The following WASHC2C variants were observed in gnomAD, a reference collection of about 807,000 sequenced individuals.
The protein encoded by WASHC2C is Vaccinia Penetration Factor.
In WASHC2C, 73 loss-of-function variants were observed where a neutral mutation model predicts 142.2. That is an observed-to-expected ratio of 0.51 (90% CI 0.43 to 0.62). The LOEUF (loss-of-function observed/expected upper bound fraction) is 0.62, where lower values mean the gene tolerates loss of function less well. Among genes scored for constraint, WASHC2C ranks in the 20% least tolerant of loss-of-function variants. WASHC2C has a pLI of 0.00. For synonymous variants in WASHC2C, 337 were observed against 565.5 expected, an observed-to-expected ratio of 0.60 and a Z score of 5.73; for missense variants, 969 against 1,531.7, an observed-to-expected ratio of 0.63 and a Z score of 6.13.
chr10:45,770,691 G>A (rs1402621143), intron 20 of WASHC2C, among the ~76,000 whole-genome samples: 1 of 152,190 alleles, frequency 6.6e-6, no homozygotes, highest in Admixed American at 6.5e-5. Context: ...TTAGGCCTCT[G>A]TAACTTGACA....
At position 45,786,654 on chromosome 10, in the gene WASHC2C, A is replaced by C; in HGVS notation, c.2854A>C (p.Thr952Pro). The part of the protein sequence containing the change: ...LAPFKTKEPS[T>P]RIGKIQANLA... Reference sequence around the variant, plus strand: ...TCCATTTAAAACCAAAGAACCATCCACTCGGATCGGGAAGATACAAGTAAT... The same window carrying C: ...TCCATTTAAAACCAAAGAACCATCCCCTCGGATCGGGAAGATACAAGTAAT... The change falls in exon 27 of 31, where the codon ACT becomes CCT. Residue 952 changes from threonine (T) to proline (P), a missense_variant. Physicochemically the swap from Thr to Pro is conservative, Grantham distance 38. Transcript: ENST00000623400. 6.2e-7 allele frequency: 1 copy of C among 1,611,784 alleles called. No homozygotes were observed. Among genetic ancestry groups the C allele is most frequent in the Non-Finnish European group, 8.5e-7 (1 of 1,179,732 alleles).
chr10:45,784,252 G>GTGTA (rs1554888863), intron 23 of WASHC2C, among the ~76,000 whole-genome samples: 193 of 40,688 alleles, frequency 4.7e-3, no homozygotes, highest in Non-Finnish European at 6.6e-3. Flanking sequence ...GTGTGTGTGT[G>GTGTA]TATATATATA....
At chr10:45,747,622 G>C (rs1339415365) in intron 8 of WASHC2C, among the ~76,000 whole-genome samples, 7 of 150,056 alleles carry the variant, frequency 4.7e-5, no homozygotes, top group African/African-American at 1.5e-4. Context: ...ACAGAGTCTC[G>C]CTCTGTTGCC....
In WASHC2C at chr10:45,757,010, A is replaced by T; in HGVS notation, c.1421-2A>T. 1 of 1,590,656 alleles carries T rather than the reference A, an allele frequency of 6.3e-7. No homozygotes were observed. The highest frequency in any genetic ancestry group is 8.6e-7 in the Non-Finnish European group (1 of 1,168,038). On this transcript the variant is annotated splice_acceptor_variant, in intron 15 of 30. Transcript: ENST00000623400. LOFTEE classifies it high-confidence loss of function. ...CATTTTATGCCTTGGTATTTTTTAC[A>T]GGCAAAGTCCAATCCACTGCCGATA...
In WASHC2C at chr10:45,759,390, G is replaced by C; in HGVS notation, c.1624G>C (p.Glu542Gln). ...KTQKGLFSDE[E>Q]DSEDLFSSQS... is the part of the protein sequence containing the mutation. ...TCAAAAAGGCTTATTTTCAGATGAG[G>C]AGGACTCTGAGGTATGGAATTCTTT... Residue 542 changes from glutamate (E) to glutamine (Q), a missense_variant, in exon 17 of 31, where the codon GAG becomes CAG. Transcript: ENST00000623400. The C allele has an allele frequency of 6.7e-7, 1 of 1,482,976 alleles. No homozygotes were observed. Among genetic ancestry groups the C allele is most frequent in the African/African-American group, 1.7e-5 (1 of 59,718 alleles). 91.9% of individuals were successfully genotyped at this position (1,482,976 alleles called of 1,614,324 possible).
At chr10:45,789,929 CA>C (rs1428001930) in intron 29 of WASHC2C, among the ~76,000 whole-genome samples, 1 of 152,152 alleles carries the variant, frequency 6.6e-6, no homozygotes, top group Non-Finnish European at 1.5e-5. Flanking sequence ...ATTTGCTCAG[CA>C]GATGTTTATT....
intron 23 of WASHC2C, among the ~76,000 whole-genome samples, chr10:45,780,913 C>G (rs561530397): frequency 3.0e-4 from 45 of 151,608 alleles, no homozygotes; most frequent in African/African-American, 1.0e-3. Context: ...ACCACCATGC[C>G]CAGCTATTTT....
At chr10:45,773,746 C>T (rs2056820420) in intron 21 of WASHC2C, among the ~76,000 whole-genome samples, 1 of 152,218 alleles carries the variant, frequency 6.6e-6, no homozygotes, top group Admixed American at 6.5e-5. Flanking sequence ...ACATGTGCTA[C>T]AAAATGCATG....
Position 45,787,257 on chromosome 10 carries a change from C to A in WASHC2C, c.3087+10C>A. On this transcript the variant is annotated intron_variant, in intron 28 of 30. Transcript: ENST00000623400. ...ACACAGTGCAAACAAGGTGATGAAA[C>A]CATCTTTGCTTCCTTGCTCTCTTCT... 2 of 1,325,984 alleles carry A rather than the reference C, an allele frequency of 1.5e-6. No homozygotes were observed. Among genetic ancestry groups the A allele is most frequent in the Non-Finnish European group, 2.1e-6 (2 of 947,520 alleles). The allele number at this position is 1,325,984 out of a possible 1,614,324, so 82.1% of individuals were successfully genotyped here. A position where few individuals can be genotyped will look rare whatever the true frequency, so the allele number is the denominator to read the frequency against.
chr10:45,782,466 T>C (rs1337016024), intron 23 of WASHC2C, among the ~76,000 whole-genome samples: 1 of 138,550 alleles, frequency 7.2e-6, no homozygotes, highest in Non-Finnish European at 1.6e-5. Context: ...AAGTAACGAG[T>C]GTTGGTAAGG....
intron 20 of WASHC2C, among the ~76,000 whole-genome samples, chr10:45,772,469 CTGAT>C (rs2056688327): frequency 6.6e-6 from 1 of 152,030 alleles, no homozygotes; most frequent in Non-Finnish European, 1.5e-5. Context: ...GTAATCCTAA[CTGAT>C]TGGGAGGCCA....
intron 28 of WASHC2C, 114 bp from the exon 29 acceptor site, chr10:45,788,757 C>A (rs2058228689): frequency 6.5e-7 from 1 of 1,537,592 alleles, no homozygotes; most frequent in African/African-American, 1.4e-5. Context: ...ATAATATCTT[C>A]ATTGAAGTAG....
intron 7 of WASHC2C, 144 bp downstream of exon 7, chr10:45,745,026 G>GTT (rs373293862): frequency 1.5e-4 from 23 of 153,246 alleles, no homozygotes; most frequent in African/African-American, 4.7e-4. Context: ...CACATTCTGA[G>GTT]TTTTTTTTCC....
At position 45,762,687 on chromosome 10, in the gene WASHC2C, C is replaced by G. The variant is rs554085508; in HGVS notation, c.1636-701C>G. On this transcript the variant is annotated intron_variant, in intron 17 of 30. Coordinates refer to ENST00000623400, the MANE Select transcript of WASHC2C (RefSeq NM_001330074.2). Reference sequence around the variant, plus strand: ...TGGGGAAGCCGAGGCGGGCGGATCACAAGGTCAGGAGATCGAGACCATCCT... The same window carrying G: ...TGGGGAAGCCGAGGCGGGCGGATCAGAAGGTCAGGAGATCGAGACCATCCT... 1.6e-4 allele frequency among the ~76,000 whole-genome samples: 24 copies of G among 152,202 alleles called. No homozygotes were observed. In the East Asian group the frequency reaches 1.9e-3, roughly 12 times the overall value.
intron 16 of WASHC2C, among the ~76,000 whole-genome samples, chr10:45,758,941 AG>A (rs1290054169): frequency 7.3e-5 from 11 of 150,672 alleles, no homozygotes; most frequent in African/African-American, 2.7e-4. Context: ...CTCTTTCTAC[AG>A]TTTTGTCTCT....
Position 45,737,979 on chromosome 10 carries a change from TTAGCGTGTATATGA to T in WASHC2C, c.292-2_303del. The T allele has an allele frequency of 6.2e-7, 1 of 1,611,776 alleles. No individual in the cohort carries two copies. Among genetic ancestry groups the T allele is most frequent in the South Asian group, 1.1e-5 (1 of 90,968 alleles). Reference sequence around the variant, plus strand: ...TTTAACATTGAGTTTGCTTCCATATTTAGCGTGTATATGATGAAGAAGTGGAGGAGCCAGTACTC... The same window carrying T: ...TTTAACATTGAGTTTGCTTCCATATTTGAAGAAGTGGAGGAGCCAGTACTC... On this transcript the variant is annotated splice_acceptor_variant and splice_polypyrimidine_tract_variant and coding_sequence_variant and intron_variant, in exon 4 of 31. Coordinates refer to ENST00000623400, the MANE Select transcript of WASHC2C (RefSeq NM_001330074.2). LOFTEE classifies it high-confidence loss of function.
intron 14 of WASHC2C, 116 bp from the exon 15 acceptor site, chr10:45,754,820 T>C (rs2054040120): frequency 4.4e-6 from 6 of 1,358,054 alleles, no homozygotes; most frequent in South Asian, 2.5e-5. Context: ...GGCCCTGTTA[T>C]GCATTTTGTG....
intron 17 of WASHC2C, among the ~76,000 whole-genome samples, chr10:45,762,830 C>T (rs1368679690): frequency 6.6e-6 from 1 of 152,086 alleles, no homozygotes; most frequent in East Asian, 1.9e-4. Context: ...GGTGTGAATC[C>T]GGGAGGCGGA....
intron 23 of WASHC2C, among the ~76,000 whole-genome samples, chr10:45,783,101 T>C (rs2057649639): frequency 6.6e-6 from 1 of 151,038 alleles, no homozygotes; most frequent in African/African-American, 2.4e-5. Context: ...GAATTTGATC[T>C]CAATGGTGAT....
Sources: allele counts gnomAD v4.1 joint callset (sites outside exome capture counted in the v4.1 genomes callset), GRCh38; gene constraint gnomAD v4.1.1; transcripts MANE v1.5; gene names NCBI Gene and HGNC (gene_info 2026-07-23, HGNC 2026-07-21).